ARID1B: variants seen among roughly 807,000 people sequenced by gnomAD.
The protein encoded by ARID1B is AT-rich interaction domain 1B.
Under a neutral mutation model 212.3 loss-of-function variants are expected in ARID1B, and 30 were observed. The observed-to-expected ratio is 0.14, with a 90% CI of 0.11 to 0.19. The LOEUF (loss-of-function observed/expected upper bound fraction) is 0.19. ARID1B is among the 10% of genes least tolerant of loss of function. The probability of loss-of-function intolerance (pLI) is 1.00; values close to 1 mark genes in which losing one functional copy is unlikely to be tolerated. For synonymous variants in ARID1B, 1,402 were observed against 1,301.7 expected, an observed-to-expected ratio of 1.08 and a Z score of -1.66; for missense variants, 2,891 against 3,204.0, an observed-to-expected ratio of 0.90 and a Z score of 2.36.
At chr6:157,008,910 A>G (rs1283828434) in intron 4 of ARID1B, among the ~76,000 whole-genome samples, 1 of 152,100 alleles carries the variant, frequency 6.6e-6, no homozygotes, top group Non-Finnish European at 1.5e-5. Context: ...ACTACTGCCA[A>G]CTGCCTCCAG....
At chr6:157,177,974 T>C (rs1185376879) in intron 11 of ARID1B, among the ~76,000 whole-genome samples, 2 of 152,084 alleles carry the variant, frequency 1.3e-5, no homozygotes, top group African/African-American at 4.8e-5. Flanking sequence ...GTGATGAGAG[T>C]GATAACGTAC....
At chr6:156,867,440 A>G (rs553973977) in intron 2 of ARID1B, among the ~76,000 whole-genome samples, 3 of 152,276 alleles carry the variant, frequency 2.0e-5, no homozygotes, top group African/African-American at 7.2e-5. Flanking sequence ...CCCACAAATA[A>G]TGTGAGAGGC....
chr6:156,993,668 T>G (rs899652898), intron 4 of ARID1B, among the ~76,000 whole-genome samples: 1 of 152,210 alleles, frequency 6.6e-6, no homozygotes, highest in African/African-American at 2.4e-5. Flanking sequence ...CTTTCAAAAT[T>G]TTTTGAATGT....
intron 5 of ARID1B, among the ~76,000 whole-genome samples, chr6:157,095,278 G>A (rs1055829253): frequency 1.3e-5 from 2 of 152,204 alleles, no homozygotes; most frequent in East Asian, 3.9e-4. Context: ...AACATGCCTG[G>A]GAAAGGACCG....
chr6:157,191,046 G>T (rs1793331373), intron 15 of ARID1B, among the ~76,000 whole-genome samples: 1 of 152,140 alleles, frequency 6.6e-6, no homozygotes, highest in South Asian at 2.1e-4. Context: ...GCGTATTGAT[G>T]AATCTGGATT....
intron 8 of ARID1B, chr6:157,164,600 G>A (rs192557604): frequency 2.9e-4 from 44 of 152,172 alleles, no homozygotes; most frequent in African/African-American, 1.0e-3. Flanking sequence ...ATGTTCTGTA[G>A]TAATTCATCC....
At chr6:156,800,904 AAATT>A (rs1780735526) in intron 1 of ARID1B, among the ~76,000 whole-genome samples, 1 of 152,186 alleles carries the variant, frequency 6.6e-6, no homozygotes, top group African/African-American at 2.4e-5. Context: ...CTTAAAAAAA[AAATT>A]AATTAAATGA....
intron 2 of ARID1B, among the ~76,000 whole-genome samples, chr6:156,846,341 AT>A (rs1784231698): frequency 1.5e-5 from 2 of 135,460 alleles, no homozygotes; most frequent in South Asian, 4.7e-4. Flanking sequence ...TTTTTTTTGT[AT>A]TTTTAGTGGA....
intron 2 of ARID1B, among the ~76,000 whole-genome samples, chr6:156,837,919 G>T (rs1046569314): frequency 2.6e-5 from 4 of 152,114 alleles, no homozygotes; most frequent in African/African-American, 9.7e-5. Flanking sequence ...TCTGAATGTG[G>T]GTAGTGTGCG....
At chr6:157,142,658 A>C (rs114788572) in intron 7 of ARID1B, among the ~76,000 whole-genome samples, 1,690 of 152,302 alleles carry the variant, frequency 0.011, 22 homozygotes, top group African/African-American at 0.036. Flanking sequence ...ACAACAACAA[A>C]AAAAACAATA....
chr6:157,138,377 A>C (rs556701448), intron 7 of ARID1B, among the ~76,000 whole-genome samples: 1 of 152,268 alleles, frequency 6.6e-6, no homozygotes, highest in Admixed American at 6.5e-5. Context: ...CTGGGACCAC[A>C]GACATGCACC....
At chr6:156,842,026 T>G (rs1306557811) in intron 2 of ARID1B, among the ~76,000 whole-genome samples, 1 of 152,234 alleles carries the variant, frequency 6.6e-6, no homozygotes, top group Non-Finnish European at 1.5e-5. Context: ...ACATTGAATA[T>G]TCGTTTCACG....
chr6:156,869,416 T>G lies in ARID1B; in HGVS notation c.1987-31960T>G, dbSNP rs370595784. ...CATGTGAATTTTTGGATGAGAGACA[T>G]TTTTATATAATTTATAAGTAACCAT... On this transcript the variant is annotated intron_variant, in intron 2 of 19. Transcript: ENST00000636930. Among the ~76,000 whole-genome samples the G allele has an allele frequency of 3.4e-4, 52 of 152,342 alleles. No homozygotes were observed. The South Asian group carries it at 9.7e-3, about 29-fold the overall frequency.
chr6:157,051,247 T>G (rs1782585026), intron 4 of ARID1B, among the ~76,000 whole-genome samples: 2 of 152,214 alleles, frequency 1.3e-5, no homozygotes, highest in South Asian at 4.1e-4. Context: ...GAAGAGAGGT[T>G]AAGCTGAACG....
chr6:156,947,574 T>G (rs1793249103), intron 4 of ARID1B, among the ~76,000 whole-genome samples: 1 of 151,716 alleles, frequency 6.6e-6, no homozygotes, highest in African/African-American at 2.4e-5. Flanking sequence ...CTTGTACATT[T>G]GGATCCTAGC....
chr6:157,147,040 CA>C (rs1789780189), intron 7 of ARID1B, among the ~76,000 whole-genome samples: 1 of 152,084 alleles, frequency 6.6e-6, no homozygotes, highest in Non-Finnish European at 1.5e-5. Flanking sequence ...TGAATGAATT[CA>C]TTGGTGCAAA....
chr6:157,168,157 T>G (rs1791464164), intron 9 of ARID1B: 1 of 152,220 alleles, frequency 6.6e-6, no homozygotes, highest in South Asian at 2.1e-4. Context: ...AAAGTTCATG[T>G]CCCTGTGTCC....
intron 2 of ARID1B, among the ~76,000 whole-genome samples, chr6:156,885,378 A>G (rs1345261305): frequency 6.6e-6 from 1 of 152,212 alleles, no homozygotes; most frequent in Non-Finnish European, 1.5e-5. Flanking sequence ...GAGTTTCAAA[A>G]TGTATAGTTT....
At chr6:156,812,037 T>C (rs1440004812) in intron 1 of ARID1B, among the ~76,000 whole-genome samples, 2 of 152,252 alleles carry the variant, frequency 1.3e-5, no homozygotes, top group East Asian at 3.8e-4. Context: ...TTGGTTGTGC[T>C]GTGTGTAAAT....
Sources: gnomAD v4.1 joint callset for allele counts (sites outside exome capture counted in the v4.1 genomes callset) on GRCh38, gnomAD v4.1.1 for gene constraint, MANE v1.5 for transcripts, NCBI Gene and HGNC (gene_info 2026-07-23, HGNC 2026-07-21) for gene names.